ETV6: variants seen among roughly 807,000 people sequenced by gnomAD.
The protein encoded by ETV6 is transcription factor ETV6.
In ETV6, 16 loss-of-function variants were observed where a neutral mutation model predicts 51.1. The ratio of observed to expected loss-of-function variants is 0.31; its 90% CI spans 0.21 to 0.48. The LOEUF (loss-of-function observed/expected upper bound fraction) is 0.48. Among genes scored for constraint, ETV6 ranks in the 20% least tolerant of loss-of-function variants. The pLI is 0.99. For missense variants in ETV6, 458 were observed against 594.8 expected (o/e 0.77, Z 2.39); for synonymous variants, 240 against 224.1 (o/e 1.07, Z -0.64).
At chr12:11,888,406 T>C (rs1947235867) in intron 7 of ETV6, among the ~76,000 whole-genome samples, 1 of 148,146 alleles carries the variant, frequency 6.8e-6, no homozygotes, top group African/African-American at 2.5e-5. Context: ...TTCTTTTTTT[T>C]TTTTTTTTAG....
chr12:11,686,169 A>G (rs56154765), intron 1 of ETV6, among the ~76,000 whole-genome samples: 118 of 152,344 alleles, frequency 7.7e-4, no homozygotes, highest in African/African-American at 2.6e-3. Context: ...TAGTTTTGCA[A>G]TTTATGAAAT....
intron 2 of ETV6, among the ~76,000 whole-genome samples, chr12:11,795,428 C>T (rs940221434): frequency 4.6e-5 from 7 of 152,158 alleles, no homozygotes; most frequent in South Asian, 2.1e-4. Context: ...GCCTTGGGGA[C>T]GATGCATGGA....
rs866003438 is a variant in ETV6 at position 11,893,829 on chromosome 12, T to C, written c.*2783T>C. The C allele has an allele frequency of 8.1e-5, 6 of 74,464 alleles. No individual in the cohort carries two copies. Among genetic ancestry groups the C allele is most frequent in the Non-Finnish European group, 1.3e-4 (5 of 39,380 alleles). The allele number at this position is 74,464 out of a possible 1,614,324, so 4.6% of individuals were successfully genotyped here. On this transcript the variant is annotated 3_prime_UTR_variant, in exon 8 of 8. Transcript: ENST00000396373. ...ATATATATATATATATATATATATA[T>C]ATATATATATATACACACACACACA...
intron 7 of ETV6, among the ~76,000 whole-genome samples, chr12:11,888,764 G>A (rs1044935040): frequency 2.2e-4 from 33 of 152,160 alleles, no homozygotes; most frequent in African/African-American, 8.0e-4. Context: ...GTGCAGTGGT[G>A]TGGTCATAGC....
intron 2 of ETV6, among the ~76,000 whole-genome samples, chr12:11,759,368 C>G (rs1171912204): frequency 6.6e-6 from 1 of 152,056 alleles, no homozygotes. Flanking sequence ...CTCTCCCTTT[C>G]CTCAGAGTTC....
At chr12:11,789,591 G>A (rs73292433) in intron 2 of ETV6, among the ~76,000 whole-genome samples, 44 of 152,062 alleles carry the variant, frequency 2.9e-4, no homozygotes, top group African/African-American at 9.9e-4. Flanking sequence ...GAAAGGGTAG[G>A]GGGGAGGCAA....
chr12:11,802,415 G>A (rs7132545), intron 2 of ETV6, among the ~76,000 whole-genome samples: 17,403 of 152,232 alleles, frequency 0.11, 1,081 homozygotes, highest in East Asian at 0.16. Context: ...CCATCTCAAA[G>A]TTCTGGGTCT....
chr12:11,672,827 C>T (rs2120705025), intron 1 of ETV6, among the ~76,000 whole-genome samples: 1 of 152,250 alleles, frequency 6.6e-6, no homozygotes, highest in Middle Eastern at 3.4e-3. Flanking sequence ...GTAAGATCCC[C>T]TTGGGGTGAG....
At chr12:11,669,582 C>T (rs1266039811) in intron 1 of ETV6, among the ~76,000 whole-genome samples, 2 of 151,556 alleles carry the variant, frequency 1.3e-5, no homozygotes, top group African/African-American at 2.4e-5. Context: ...TGGCGCAGTA[C>T]TTCCTTCTGC....
chr12:11,830,416 T>C (rs1946224981), intron 2 of ETV6, among the ~76,000 whole-genome samples: 1 of 152,232 alleles, frequency 6.6e-6, no homozygotes, highest in South Asian at 2.1e-4. Context: ...CTTGGGAAAG[T>C]CCCTCGATTT....
At position 11,891,229 on chromosome 12, in the gene ETV6, C is replaced by T; in HGVS notation, c.*183C>T. On this transcript the variant is annotated 3_prime_UTR_variant, in exon 8 of 8. Transcript: ENST00000396373. ...GGAGCACCTTAGACAAACTACCCAG[C>T]ACAGGCGGGGCTGGAATTCTGGCGG... 1 of 543,826 alleles carries T rather than the reference C, an allele frequency of 1.8e-6. No individual in the cohort carries two copies. Among genetic ancestry groups the T allele is most frequent in the Non-Finnish European group, 3.3e-6 (1 of 304,786 alleles). The allele number at this position is 543,826 out of a possible 1,614,324, so 33.7% of individuals were successfully genotyped here.
intron 1 of ETV6, among the ~76,000 whole-genome samples, chr12:11,731,682 T>G (rs1480990532): frequency 6.6e-6 from 1 of 152,180 alleles, no homozygotes; most frequent in Non-Finnish European, 1.5e-5. Flanking sequence ...TATTGTTTCT[T>G]TTATGAACTT....
chr12:11,842,211 C>T (rs933681799), intron 3 of ETV6, among the ~76,000 whole-genome samples: 9 of 152,250 alleles, frequency 5.9e-5, no homozygotes, highest in Middle Eastern at 3.4e-3. Flanking sequence ...CATGCCTCTC[C>T]GGCTTGTCTG....
At chr12:11,705,045 T>G (rs934625277) in intron 1 of ETV6, among the ~76,000 whole-genome samples, 7 of 152,022 alleles carry the variant, frequency 4.6e-5, no homozygotes, top group African/African-American at 1.7e-4. Context: ...CCGGTGGAAA[T>G]GGGGAGATGT....
At chr12:11,820,634 C>T (rs1487400949) in intron 2 of ETV6, among the ~76,000 whole-genome samples, 1 of 151,986 alleles carries the variant, frequency 6.6e-6, no homozygotes, top group African/African-American at 2.4e-5. Flanking sequence ...GTCTGAGGAA[C>T]AGCAGAGAGG....
At chr12:11,746,557 A>T (rs1865912386) in intron 1 of ETV6, among the ~76,000 whole-genome samples, 1 of 152,210 alleles carries the variant, frequency 6.6e-6, no homozygotes, top group Non-Finnish European at 1.5e-5. Context: ...ATTTATATAC[A>T]ACTACCCATA....
chr12:11,824,360 C>T (rs1257023659), intron 2 of ETV6, among the ~76,000 whole-genome samples: 2 of 152,176 alleles, frequency 1.3e-5, no homozygotes, highest in African/African-American at 2.4e-5. Flanking sequence ...GGGCAAGTGG[C>T]GTCGAGGAGG....
intron 5 of ETV6, among the ~76,000 whole-genome samples, chr12:11,877,614 C>CCTTCTGTAGA (rs1947011435): frequency 6.6e-6 from 1 of 152,142 alleles, no homozygotes; most frequent in Non-Finnish European, 1.5e-5. Flanking sequence ...AGGGAGATGC[C>CCTTCTGTAGA]CTTCTGTAGA....
intron 1 of ETV6, among the ~76,000 whole-genome samples, chr12:11,716,318 A>G (rs113913635): frequency 0.061 from 7,871 of 129,708 alleles, 802 homozygotes; most frequent in African/African-American, 0.21. Context: ...GCGACAGAGC[A>G]AGACTCCTTC....
Sources: gnomAD v4.1 joint callset for allele counts (sites outside exome capture counted in the v4.1 genomes callset) on GRCh38, gnomAD v4.1.1 for gene constraint, MANE v1.5 for transcripts, NCBI Gene and HGNC (gene_info 2026-07-23, HGNC 2026-07-21) for gene names.